COL9A1: variants seen among roughly 807,000 people sequenced by gnomAD.
COL9A1 encodes the protein collagen alpha-1(IX) chain.
A neutral mutation model predicts 142.6 loss-of-function variants in COL9A1; 104 were observed. The ratio of observed to expected loss-of-function variants is 0.73; its 90% CI spans 0.62 to 0.86. The LOEUF (loss-of-function observed/expected upper bound fraction) is 0.86, where lower values mean the gene tolerates loss of function less well. Among genes scored for constraint, COL9A1 ranks in the 40% least tolerant of loss-of-function variants. The pLI is 0.00. For missense variants in COL9A1, 1,210 were observed against 1,176.6 expected (o/e 1.03, Z -0.42); for synonymous variants, 466 against 396.0 (o/e 1.18, Z -2.10).
In COL9A1 at chr6:70,254,514, G is replaced by T; in HGVS notation, c.1681C>A (p.Pro561Thr). The T allele has an allele frequency of 6.2e-7, 1 of 1,614,032 alleles. No individual in the cohort carries two copies. The highest frequency in any genetic ancestry group is 8.5e-7 in the Non-Finnish European group (1 of 1,179,982). The change falls in exon 25 of 38, where the codon CCT (proline) becomes ACT (threonine). Residue 561 changes from proline to threonine, a missense_variant. By Grantham distance (38) the Pro-to-Thr change is conservative (BLOSUM62 -1). Transcript: ENST00000357250. ...AATCCTGCATCACCAGGAGGCCCAG[G>T]TTTTCCTGGTTCACCCTGCAAAAAA... ...MPGTKGEPGK[P>T]GPPGDAGLQG...
At chr6:70,261,262 C>A (rs968420994) in intron 19 of COL9A1, among the ~76,000 whole-genome samples, 1 of 152,032 alleles carries the variant, frequency 6.6e-6, no homozygotes, top group African/African-American at 2.4e-5. Flanking sequence ...AATTCCAACT[C>A]GGGGCAATAG....
At chr6:70,242,619 TTG>T (rs1445427253) in intron 29 of COL9A1, 41 bp downstream of exon 29, 3 of 1,537,798 alleles carry the variant, frequency 2.0e-6, no homozygotes, top group Middle Eastern at 1.7e-4. Context: ...TAAAAATGCA[TTG>T]TGTTTCGTAG....
At position 70,280,874 on chromosome 6, in the gene COL9A1, C is replaced by G. The variant is rs771224883; in HGVS notation, c.913G>C (p.Gly305Arg). 17 of 1,613,530 alleles carry G rather than the reference C, an allele frequency of 1.1e-5. No individual in the cohort carries two copies. Among genetic ancestry groups the G allele is most frequent in the Non-Finnish European group, 1.3e-5 (15 of 1,179,856 alleles). The change falls in exon 10 of 38, where the codon GGT becomes CGT. Residue 305 changes from glycine to arginine, a missense_variant and splice_region_variant. By Grantham distance (125) the Gly-to-Arg change is moderately radical. Transcript: ENST00000357250. The part of the protein sequence containing the change: ...RGPKGPPGPP[G>R]PAGEPGKPGA... ...GGCTTTCCCGGTTCACCTGCAGGAC[C>G]CTGAGCAGGGGCAGAAGGGTGCGGG...
chr6:70,275,624 A>T (rs1323258963), intron 10 of COL9A1, among the ~76,000 whole-genome samples: 1 of 152,140 alleles, frequency 6.6e-6, no homozygotes, highest in African/African-American at 2.4e-5. Context: ...TCACATATAT[A>T]CAAGAATTTC....
rs1387389271 is a variant in COL9A1, at chr6:70,216,954, T to C, written c.2709A>G (p.Pro903=). 1.2e-6 allele frequency: 2 copies of C among 1,614,030 alleles called. No homozygotes were observed. Among genetic ancestry groups the C allele is most frequent in the East Asian group, 2.2e-5 (1 of 44,878 alleles). Residue 903 remains proline (P), a synonymous_variant, in exon 38 of 38, where the codon CCA becomes CCG. Transcript: ENST00000357250. ...GPPGLPGFCE[P]ASCTMQAGQR... is the part of the protein sequence containing the mutation. The stretch of plus-strand genomic sequence containing the variant: ...GACCAGCCTGCATGGTGCAGGAGGC[T>C]GGCTCACAGAAACCGGGAAGCCCAG...
chr6:70,294,075 G>T, intron 5 of COL9A1, 92 bp downstream of exon 5: 1 of 1,489,404 alleles, frequency 6.7e-7, no homozygotes, highest in Non-Finnish European at 9.4e-7. Context: ...GGGACATGCT[G>T]CACTCAGCTG....
chr6:70,275,465 T>G (rs1026312081), intron 10 of COL9A1, among the ~76,000 whole-genome samples: 3 of 152,098 alleles, frequency 2.0e-5, no homozygotes, highest in African/African-American at 7.2e-5. Context: ...ATGTAAAATT[T>G]AAGCCTATTA....
chr6:70,235,654 G>A (rs1208848236), intron 33 of COL9A1, among the ~76,000 whole-genome samples: 2 of 151,918 alleles, frequency 1.3e-5, no homozygotes, highest in Non-Finnish European at 2.9e-5. Context: ...ATGTTACTTT[G>A]CATATCACAA....
chr6:70,285,818 A>G (rs1228200701), intron 5 of COL9A1, among the ~76,000 whole-genome samples: 1 of 152,244 alleles, frequency 6.6e-6, no homozygotes, highest in East Asian at 1.9e-4. Context: ...AGAAATGAGT[A>G]GTGTGTGAAT....
intron 19 of COL9A1, 66 bp downstream of exon 19, chr6:70,263,178 C>T: frequency 7.8e-7 from 1 of 1,287,858 alleles, no homozygotes; most frequent in Non-Finnish European, 1.1e-6. Context: ...AGAAAATATT[C>T]CAACAGTCAT....
intron 5 of COL9A1, among the ~76,000 whole-genome samples, chr6:70,287,656 A>T (rs965385525): frequency 5.9e-5 from 9 of 152,160 alleles, no homozygotes; most frequent in African/African-American, 2.2e-4. Flanking sequence ...TCTTGAACCC[A>T]TTCCAGTTGG....
intron 14 of COL9A1, 91 bp downstream of exon 14, chr6:70,271,564 G>C: frequency 8.8e-7 from 1 of 1,131,688 alleles, no homozygotes. Flanking sequence ...TGGTTTGCAA[G>C]TGGAAATGTA....
intron 4 of COL9A1, among the ~76,000 whole-genome samples, chr6:70,297,259 A>G (rs1273387928): frequency 6.6e-6 from 1 of 152,136 alleles, no homozygotes; most frequent in Non-Finnish European, 1.5e-5. Context: ...TGCTAAATGA[A>G]TACCTCAATT....
intron 36 of COL9A1, among the ~76,000 whole-genome samples, chr6:70,231,001 C>CAT (rs1422696583): frequency 6.6e-6 from 1 of 152,170 alleles, no homozygotes; most frequent in African/African-American, 2.4e-5. Context: ...CCCTATAAGT[C>CAT]ATTCCCTTTC....
chr6:70,242,092 G>A lies in COL9A1; in HGVS notation c.1927-57C>T. The A allele has an allele frequency of 2.7e-6, 4 of 1,455,236 alleles. No individual in the cohort carries two copies. In the South Asian group the frequency reaches 4.9e-5, roughly 18 times the overall value. 90.1% of individuals were successfully genotyped at this position (1,455,236 alleles called of 1,614,324 possible). On this transcript the variant is annotated intron_variant, in intron 29 of 37. Coordinates refer to ENST00000357250, the MANE Select transcript of COL9A1 (RefSeq NM_001851.6). Reference sequence around the variant, plus strand: ...CTGTCACTGCAACACTGAAAGCACGGAAGGCAGAAACAACCTTGGGTGTGT... The same window carrying A: ...CTGTCACTGCAACACTGAAAGCACGAAAGGCAGAAACAACCTTGGGTGTGT...
intron 5 of COL9A1, among the ~76,000 whole-genome samples, chr6:70,292,522 C>T (rs542002949): frequency 4.6e-5 from 7 of 152,232 alleles, no homozygotes; most frequent in Admixed American, 4.6e-4. Flanking sequence ...GAAAAATCTA[C>T]AATCAGCTCT....
At position 70,299,912 on chromosome 6, in the gene COL9A1, A is replaced by C; in HGVS notation, c.299+131T>G. The C allele has an allele frequency of 8.0e-6, 7 of 869,944 alleles. No homozygotes were observed. The South Asian group carries it at 1.1e-4, about 13-fold the overall frequency. The allele number at this position is 869,944 out of a possible 1,614,324, so 53.9% of individuals were successfully genotyped here. A position where few individuals can be genotyped will look rare whatever the true frequency, so the allele number is the denominator to read the frequency against. The stretch of plus-strand genomic sequence containing the variant: ...GGTACTGAAGATAGGCAGGTAAATA[A>C]ATTTCTTCATCTTTAAATACAATTA... On this transcript the variant is annotated intron_variant, in intron 4 of 37. Transcript: ENST00000357250.
intron 12 of COL9A1, among the ~76,000 whole-genome samples, chr6:70,273,407 A>G (rs1231158203): frequency 6.6e-6 from 1 of 152,192 alleles, no homozygotes; most frequent in African/African-American, 2.4e-5. Flanking sequence ...TAGGCTTATA[A>G]TGGAAAAGTT....
At chr6:70,246,515 TC>T (rs1770618544) in intron 28 of COL9A1, among the ~76,000 whole-genome samples, 1 of 152,122 alleles carries the variant, frequency 6.6e-6, no homozygotes, top group South Asian at 2.1e-4. Flanking sequence ...CTAGATGTCC[TC>T]CCCCCAACCC....
Sources: allele counts gnomAD v4.1 joint callset (sites outside exome capture counted in the v4.1 genomes callset), GRCh38; gene constraint gnomAD v4.1.1; transcripts MANE v1.5; gene names NCBI Gene and HGNC (gene_info 2026-07-23, HGNC 2026-07-21).